SH3TC1: variants seen among roughly 807,000 people sequenced by gnomAD.
SH3TC1 encodes SH3 domain and tetratricopeptide repeat-containing protein 1.
SH3TC1 carries 135 observed loss-of-function variants against 117.3 expected under a neutral mutation model. The observed-to-expected ratio is 1.15, with a 90% CI of 1.00 to 1.33. The LOEUF (loss-of-function observed/expected upper bound fraction) is 1.33, where lower values mean the gene tolerates loss of function less well. Among genes scored for constraint, SH3TC1 ranks in the 40% most tolerant of loss-of-function variants. The pLI is 0.00. For missense variants in SH3TC1, 2,092 were observed against 1,794.3 expected, an observed-to-expected ratio of 1.17 and a Z score of -3.00; for synonymous variants, 898 against 816.9, an observed-to-expected ratio of 1.10 and a Z score of -1.69.
In SH3TC1 at chr4:8,214,614, G is replaced by A. The variant is rs140798157; in HGVS notation, c.481+34G>A. On this transcript the variant is annotated intron_variant, in intron 5 of 17. Coordinates refer to ENST00000245105, the MANE Select transcript of SH3TC1 (RefSeq NM_018986.5). ...GTGACCCTCCCAGAATTGGTCATGG[G>A]GACGCCCGTCGGAAGGTGCTGGTTA... 487 of 1,569,348 alleles carry A rather than the reference G, an allele frequency of 3.1e-4. 3 individuals carry two copies. The African/African-American group carries it at 5.8e-3, about 19-fold the overall frequency.
In SH3TC1 at chr4:8,205,109, A is replaced by G; in HGVS notation, c.-28-58A>G. The G allele has an allele frequency of 2.9e-6, 4 of 1,373,508 alleles. No homozygotes were observed. Among genetic ancestry groups the G allele is most frequent in the South Asian group, 3.2e-5 (2 of 62,162 alleles). The allele number at this position is 1,373,508 out of a possible 1,614,324, so 85.1% of individuals were successfully genotyped here. The stretch of plus-strand genomic sequence containing the variant: ...TTTCTGGACCCCAGGCCTGGACACA[A>G]CCTCCGTGCTGGTTCTGGAGGGGCC... On this transcript the variant is annotated intron_variant, in intron 1 of 17. Transcript: ENST00000245105. This position sits in a 1 kb window ranked among gnomAD's most constrained non-coding sequence, Gnocchi z 5.4.
chr4:8,219,442 CTGCCCTGGTGCGTGGGCCGACA>C lies in SH3TC1; in HGVS notation c.1025_1046del (p.Leu342ProfsTer52). ...GATCCTTGGGGCGCAGGTGCCCAGC[CTGCCCTGGTGCGTGGGCCGACA>C]CGCAGCCTCGGGCCGGGTGGGGTTT... On this transcript the variant is annotated frameshift_variant, in exon 9 of 18. Coordinates refer to ENST00000245105, the MANE Select transcript of SH3TC1 (RefSeq NM_018986.5). LOFTEE classifies it high-confidence loss of function. 1.9e-6 allele frequency: 3 copies of C among 1,611,108 alleles called. No homozygotes were observed. The South Asian group carries it at 3.3e-5, about 18-fold the overall frequency.
At position 8,214,492 on chromosome 4, in the gene SH3TC1, G is replaced by T. The variant is rs751915673; in HGVS notation, c.393G>T (p.Leu131=). ...CTCTTAAGGAATTATCAGCCAGGCTGCTGTCCATCCACAGTGACCAGGACC... is the reference window on the plus strand; with the variant it reads ...CTCTTAAGGAATTATCAGCCAGGCTTCTGTCCATCCACAGTGACCAGGACC... The part of the protein sequence containing the change: ...ARVLGELSAR[L]LSIHSDQDRI... Residue 131 remains leucine (L), a synonymous_variant, in exon 5 of 18, where the codon CTG becomes CTT. Coordinates refer to ENST00000245105, the MANE Select transcript of SH3TC1 (RefSeq NM_018986.5). The T allele has an allele frequency of 1.2e-6, 2 of 1,613,930 alleles. No individual in the cohort carries two copies. Among genetic ancestry groups the T allele is most frequent in the Admixed American group, 3.3e-5 (2 of 60,008 alleles).
chr4:8,194,510 G>T (rs1487378500), upstream of SH3TC1, among the ~76,000 whole-genome samples: 1 of 152,192 alleles, frequency 6.6e-6, no homozygotes, highest in Non-Finnish European at 1.5e-5. Flanking sequence ...CTCAGGGAAA[G>T]CCTCTGGTCA....
In SH3TC1 at chr4:8,210,937, A is replaced by G. The variant is rs1718616626; in HGVS notation, c.247+1115A>G. 6.6e-6 allele frequency among the ~76,000 whole-genome samples: 1 copy of G among 151,642 alleles called. No homozygotes were observed. The highest frequency in any genetic ancestry group is 2.1e-4 in the South Asian group (1 of 4,806). ...GTCCCCTAGCAGAAAACTCTCAGGCAGGTGCTTTAAGCTTATTCAAAGGTG... is the reference window on the plus strand; with the variant it reads ...GTCCCCTAGCAGAAAACTCTCAGGCGGGTGCTTTAAGCTTATTCAAAGGTG... On this transcript the variant is annotated intron_variant, in intron 3 of 17. Transcript: ENST00000245105. This position sits in a 1 kb window ranked among gnomAD's most constrained non-coding sequence, Gnocchi z 4.1.
At position 8,205,204 on chromosome 4, in the gene SH3TC1, C is replaced by A; in HGVS notation, c.10C>A (p.Leu4Ile). 2.0e-6 allele frequency: 3 copies of A among 1,533,032 alleles called. No homozygotes were observed. Among genetic ancestry groups the A allele is most frequent in the Non-Finnish European group, 2.6e-6 (3 of 1,140,732 alleles). The allele number at this position is 1,533,032 out of a possible 1,614,324, so 95.0% of individuals were successfully genotyped here. A position where few individuals can be genotyped will look rare whatever the true frequency, so the allele number is the denominator to read the frequency against. The change falls in exon 2 of 18, where the codon CTC (leucine) becomes ATC (isoleucine). Residue 4 changes from leucine (L) to isoleucine (I), a missense_variant. Leu to Ile is a conservative substitution (Grantham distance 5, BLOSUM62 2). Transcript: ENST00000245105. This position sits in a 1 kb window ranked among gnomAD's most constrained non-coding sequence, Gnocchi z 5.4. MEN[L>I]PAVTTEEPTP... The stretch of plus-strand genomic sequence containing the variant: ...GAGGTCTCTGCGGGTCATGGAGAAC[C>A]TCCCTGCCGTGACCACTGAGGAGCC...
chr4:8,199,760 A>G (rs971489779), intron 1 of SH3TC1, among the ~76,000 whole-genome samples: 1 of 152,178 alleles, frequency 6.6e-6, no homozygotes, highest in African/African-American at 2.4e-5. Flanking sequence ...TTCCAAGTCC[A>G]GCGGATCTCA....
chr4:8,218,222 G>A (rs1419831820), intron 7 of SH3TC1, 49 bp from the exon 8 acceptor site: 3 of 1,493,142 alleles, frequency 2.0e-6, no homozygotes, highest in African/African-American at 1.4e-5. Context: ...GGATGTATCT[G>A]CCCCAAATCT....
At chr4:8,201,136 C>T (rs774769960) in intron 1 of SH3TC1, among the ~76,000 whole-genome samples, 1 of 152,120 alleles carries the variant, frequency 6.6e-6, no homozygotes, top group Non-Finnish European at 1.5e-5. Flanking sequence ...GTATTTGTTC[C>T]GTAAGAGCCT....
At chr4:8,214,632 G>GTGTAACCAGCACCTT in intron 5 of SH3TC1, 52 bp downstream of exon 5, 2 of 1,391,186 alleles carry the variant, frequency 1.4e-6, no homozygotes, top group Non-Finnish European at 2.0e-6. Flanking sequence ...GTCGGAAGGT[G>GTGTAACCAGCACCTT]CTGGTTACAC....
intron 5 of SH3TC1, 152 bp downstream of exon 5, chr4:8,214,732 G>A: frequency 1.5e-6 from 1 of 652,992 alleles, no homozygotes. Context: ...CGCCCAGGCT[G>A]GAGTGCAATG....
rs1051132770 is a variant in SH3TC1, at chr4:8,190,724, T to G, written c.-57+8514T>G. Among the ~76,000 whole-genome samples, 8 of 152,010 alleles carry G rather than the reference T, an allele frequency of 5.3e-5. No homozygotes were observed. Among genetic ancestry groups the G allele is most frequent in the African/African-American group, 1.7e-4 (7 of 41,378 alleles). ...AGTGTGGTTATCGCTCGCTGCAGCC[T>G]CCAACTCCTGGGCTCAAGCAATGCT... On this transcript the variant is annotated intron_variant, in intron 1 of 16. Transcript: ENST00000508641. This position sits in a 1 kb window ranked among gnomAD's most constrained non-coding sequence, Gnocchi z 4.7.
At position 8,233,223 on chromosome 4, in the gene SH3TC1, G is replaced by A. The variant is rs930883321; in HGVS notation, c.3132-140G>A. 1.3e-5 allele frequency: 19 copies of A among 1,420,858 alleles called. No homozygotes were observed. In the African/African-American group the frequency reaches 1.7e-4, roughly 13 times the overall value. 88.0% of individuals were successfully genotyped at this position (1,420,858 alleles called of 1,614,324 possible). A position where few individuals can be genotyped will look rare whatever the true frequency, so the allele number is the denominator to read the frequency against. On this transcript the variant is annotated intron_variant, in intron 13 of 17. Transcript: ENST00000245105. ...TTCAACCCCACCCTCTCAGCAGCCC[G>A]GGAAGGGCAGGACACTGCACACACA... is the stretch of plus-strand genomic sequence containing the variant.
chr4:8,204,333 A>G (rs575589064), intron 1 of SH3TC1, among the ~76,000 whole-genome samples: 42 of 152,276 alleles, frequency 2.8e-4, no homozygotes, highest in African/African-American at 9.4e-4. Context: ...CATTTCACCA[A>G]GCAGGGGCAG....
At position 8,228,623 on chromosome 4, in the gene SH3TC1, G is replaced by A. The variant is rs528997423; in HGVS notation, c.2929G>A (p.Val977Met). The A allele has an allele frequency of 2.8e-5, 42 of 1,516,826 alleles. No individual in the cohort carries two copies. In the South Asian group the frequency reaches 3.4e-4, roughly 12 times the overall value. The allele number at this position is 1,516,826 out of a possible 1,614,324, so 94.0% of individuals were successfully genotyped here. Reference protein sequence around the residue: ...GYYEWALLVAVEMGHVESQLR... With the variant: ...GYYEWALLVAMEMGHVESQLR... ...CTACGAGTGGGCCCTTCTGGTCGCC[G>A]TGGAGATGGGCCACGTGGAGAGTGA... is the stretch of plus-strand genomic sequence containing the variant. The change falls in exon 12 of 18, where the codon GTG becomes ATG. Residue 977 changes from valine (V) to methionine (M), a missense_variant. Transcript: ENST00000245105.
intron 9 of SH3TC1, among the ~76,000 whole-genome samples, chr4:8,220,301 G>A (rs1719785407): frequency 6.6e-6 from 1 of 152,100 alleles, no homozygotes; most frequent in Non-Finnish European, 1.5e-5. Flanking sequence ...TGCTCTGGGT[G>A]ACACGTGTGT....
At position 8,190,133 on chromosome 4, in the gene SH3TC1, G is replaced by A. The variant is rs1448286093; in HGVS notation, c.-57+7923G>A. 6.6e-6 allele frequency among the ~76,000 whole-genome samples: 1 copy of A among 152,224 alleles called. No homozygotes were observed. Among genetic ancestry groups the A allele is most frequent in the Non-Finnish European group, 1.5e-5 (1 of 68,028 alleles). On this transcript the variant is annotated intron_variant, in intron 1 of 16. Transcript: ENST00000508641. The surrounding 1 kb of genome is among the most constrained non-coding windows in gnomAD (Gnocchi z 4.7). ...TGGCCGCAGGTGCCTGCGATCACCA[G>A]TGTGCTCCCCGTGACATCTGGCCCA...
In SH3TC1 at chr4:8,216,061, T is replaced by G. The variant is rs761107990; in HGVS notation, c.482-50T>G. The G allele has an allele frequency of 1.9e-6, 3 of 1,602,158 alleles. No individual in the cohort carries two copies. The African/African-American group carries it at 4.0e-5, about 21-fold the overall frequency. On this transcript the variant is annotated intron_variant, in intron 5 of 17. Coordinates refer to ENST00000245105, the MANE Select transcript of SH3TC1 (RefSeq NM_018986.5). Reference sequence around the variant, plus strand: ...CTGGGACCACACAGGCTTCCCTGCCTCCCTGCCCCTCTTCTGGAGCCCTCG... The same window carrying G: ...CTGGGACCACACAGGCTTCCCTGCCGCCCTGCCCCTCTTCTGGAGCCCTCG...
At position 8,237,507 on chromosome 4, in the gene SH3TC1, G is replaced by A. The variant is rs780788962; in HGVS notation, c.3590G>A (p.Arg1197Gln). The change falls in exon 17 of 18, where the codon CGG (arginine) becomes CAG (glutamine). Residue 1197 changes from arginine to glutamine, a missense_variant. By Grantham distance (43) the Arg-to-Gln change is conservative. Transcript: ENST00000245105. Reference sequence around the variant, plus strand: ...CTGAACGAGCGCGTGGCCTACCACCGGCTGGCCGCCCTGCAACACCGACTG... The same window carrying A: ...CTGAACGAGCGCGTGGCCTACCACCAGCTGGCCGCCCTGCAACACCGACTG... ...DRLNERVAYH[R>Q]LAALQHRLGH... 22 of 1,602,864 alleles carry A rather than the reference G, an allele frequency of 1.4e-5. No individual in the cohort carries two copies. The highest frequency in any genetic ancestry group is 9.4e-5 in the African/African-American group (7 of 74,680).
Sources: allele counts gnomAD v4.1 joint callset (sites outside exome capture counted in the v4.1 genomes callset), GRCh38; gene constraint gnomAD v4.1.1; non-coding constraint Gnocchi (gnomAD v3.1); transcripts MANE v1.5; gene names NCBI Gene and HGNC (gene_info 2026-07-23, HGNC 2026-07-21).